Variants in KYNU observed in about 807,000 individuals in gnomAD.
The protein encoded by KYNU is L-kynurenine hydrolase.
Under a neutral mutation model 59.2 loss-of-function variants are expected in KYNU, and 54 were observed. The ratio of observed to expected loss-of-function variants is 0.91; its 90% CI spans 0.73 to 1.14. The LOEUF (loss-of-function observed/expected upper bound fraction) is 1.14, where lower values mean the gene tolerates loss of function less well. Among genes scored for constraint, KYNU ranks in the 50% most tolerant of loss-of-function variants. The pLI is 0.00. For synonymous variants in KYNU, 177 were observed against 192.0 expected (o/e 0.92, Z 0.65); for missense variants, 567 against 554.4 (o/e 1.02, Z -0.23).
intron 2 of KYNU, among the ~76,000 whole-genome samples, chr2:142,891,203 T>C (rs1302477797): frequency 2.0e-5 from 3 of 152,206 alleles, no homozygotes; most frequent in African/African-American, 7.2e-5. Context: ...GTATACAATT[T>C]AATAATTTTT....
chr2:142,903,290 C>A (rs1453731412), intron 2 of KYNU, among the ~76,000 whole-genome samples: 6 of 152,012 alleles, frequency 3.9e-5, no homozygotes, highest in Admixed American at 6.6e-5. Flanking sequence ...ATTTGCTCGT[C>A]CATATTGTCC....
At chr2:142,947,142 G>A in intron 4 of KYNU, 1 of 1,551,050 alleles carries the variant, frequency 6.4e-7, no homozygotes. Flanking sequence ...AATCAACCTG[G>A]AAATGACCTC....
chr2:143,003,893 A>G (rs1685786028), intron 10 of KYNU, among the ~76,000 whole-genome samples: 1 of 117,306 alleles, frequency 8.5e-6, no homozygotes, highest in Non-Finnish European at 1.8e-5. Flanking sequence ...ATAAATATAA[A>G]GAACGCTGTG....
intron 8 of KYNU, among the ~76,000 whole-genome samples, chr2:142,983,171 G>A (rs1685098365): frequency 6.6e-6 from 1 of 152,016 alleles, no homozygotes; most frequent in Admixed American, 6.6e-5. Context: ...CAAGGGGTGA[G>A]GAGGGCATGG....
chr2:143,028,773 G>A (rs1210379854), intron 10 of KYNU, among the ~76,000 whole-genome samples: 2 of 151,970 alleles, frequency 1.3e-5, no homozygotes, highest in East Asian at 2.0e-4. Context: ...ACTTGAACCC[G>A]GAAGGCGGAG....
rs868127199 is a variant in KYNU at position 142,952,123 on chromosome 2, C to T, written c.374-2687C>T. On this transcript the variant is annotated intron_variant, in intron 4 of 13. Transcript: ENST00000264170. The stretch of plus-strand genomic sequence containing the variant: ...TTTGAGACAGAATCTCCCTCTGTCA[C>T]CCTGGCTGGAGTGCACTGCTACCTC... Among the ~76,000 whole-genome samples, 18 of 152,278 alleles carry T rather than the reference C, an allele frequency of 1.2e-4. 1 individual carries two copies. In the Middle Eastern group the frequency reaches 0.014, roughly 115 times the overall value.
chr2:142,926,410 ATT>A (rs1683046729), intron 3 of KYNU, among the ~76,000 whole-genome samples: 1 of 152,230 alleles, frequency 6.6e-6, no homozygotes, highest in Admixed American at 6.5e-5. Flanking sequence ...TTTAAAATAA[ATT>A]ATTTCTCTGT....
intron 8 of KYNU, among the ~76,000 whole-genome samples, chr2:142,961,192 CAAA>C (rs71404458): frequency 9.0e-6 from 1 of 110,668 alleles, no homozygotes; most frequent in African/African-American, 2.8e-5. Context: ...GACTCCATCT[CAAA>C]AAAAAAAAAG....
chr2:142,974,622 C>G (rs1230828633), intron 8 of KYNU, among the ~76,000 whole-genome samples: 1 of 152,172 alleles, frequency 6.6e-6, no homozygotes, highest in Non-Finnish European at 1.5e-5. Context: ...GAGTAACTGA[C>G]TAGCTATGTA....
chr2:142,885,516 A>G lies in KYNU; in HGVS notation c.149A>G (p.Lys50Arg). The G allele has an allele frequency of 2.5e-6, 4 of 1,613,662 alleles. No individual in the cohort carries two copies. The highest frequency in any genetic ancestry group is 3.4e-6 in the Non-Finnish European group (4 of 1,179,956). ...TTCAGGGAGTGCTTTTATATTCCCA[A>G]AATACAGGATCTGCCTCCAGGTAAG... ...RHFRECFYIPKIQDLPPVDLS... is the reference protein window; with the variant it reads ...RHFRECFYIPRIQDLPPVDLS... The change falls in exon 2 of 14, where the codon AAA becomes AGA. Residue 50 changes from lysine to arginine, a missense_variant. By Grantham distance (26) the Lys-to-Arg change is conservative (BLOSUM62 2). Coordinates refer to ENST00000264170, the MANE Select transcript of KYNU (RefSeq NM_003937.3).
intron 8 of KYNU, among the ~76,000 whole-genome samples, chr2:142,972,657 C>T (rs988229555): frequency 2.0e-5 from 3 of 151,982 alleles, no homozygotes; most frequent in Non-Finnish European, 4.4e-5. Context: ...GGCAATTTAG[C>T]TGGCAAGTAA....
In KYNU at chr2:143,054,707, C is replaced by G. The variant is rs941028178; in HGVS notation, c.*12535C>G. The G allele has an allele frequency of 7.2e-5, 11 of 152,046 alleles. No homozygotes were observed. The highest frequency in any genetic ancestry group is 4.6e-4 in the Admixed American group (7 of 15,268). The allele number at this position is 152,046 out of a possible 1,614,324, so 9.4% of individuals were successfully genotyped here. On this transcript the variant is annotated 3_prime_UTR_variant, in exon 14 of 14. Coordinates refer to ENST00000264170, the MANE Select transcript of KYNU (RefSeq NM_003937.3). Reference sequence around the variant, plus strand: ...ATAAAAAGTATGAAGAATAGAGGGGCAATTAAATGATACCATAAAGAGTCA... The same window carrying G: ...ATAAAAAGTATGAAGAATAGAGGGGGAATTAAATGATACCATAAAGAGTCA...
chr2:142,971,290 T>C (rs2105124844), intron 8 of KYNU: 1 of 147,994 alleles, frequency 6.8e-6, no homozygotes, highest in East Asian at 2.1e-4. Context: ...AATATATCTA[T>C]ATGAATACCA....
At chr2:142,906,563 C>T (rs1682304465) in intron 2 of KYNU, among the ~76,000 whole-genome samples, 1 of 152,070 alleles carries the variant, frequency 6.6e-6, no homozygotes, top group Non-Finnish European at 1.5e-5. Context: ...AAGGATGCAG[C>T]ATAGCGCTTC....
intron 4 of KYNU, among the ~76,000 whole-genome samples, chr2:142,942,370 G>A (rs1683634033): frequency 6.6e-6 from 1 of 152,096 alleles, no homozygotes; most frequent in Admixed American, 6.5e-5. Context: ...TTTCTCATCT[G>A]CATTTATTGT....
chr2:142,926,425 T>C (rs1683047014), intron 3 of KYNU, among the ~76,000 whole-genome samples: 1 of 151,268 alleles, frequency 6.6e-6, no homozygotes, highest in Non-Finnish European at 1.5e-5. Flanking sequence ...TTCTCTGTAG[T>C]AAAAAAAAAT....
At chr2:142,969,374 C>T (rs1418181966) in intron 8 of KYNU, among the ~76,000 whole-genome samples, 1 of 152,038 alleles carries the variant, frequency 6.6e-6, no homozygotes. Flanking sequence ...ATGCAATGTT[C>T]CATTAGCTAA....
intron 6 of KYNU, among the ~76,000 whole-genome samples, chr2:142,956,632 G>A (rs1408488752): frequency 1.3e-5 from 2 of 152,038 alleles, no homozygotes; most frequent in African/African-American, 4.8e-5. Flanking sequence ...TAACCCTTTA[G>A]CTAAATAGAA....
chr2:142,989,338 T>C lies in KYNU; in HGVS notation c.902+3317T>C. 3.0e-6 allele frequency: 3 copies of C among 1,003,354 alleles called. No homozygotes were observed. The South Asian group carries it at 1.2e-4, about 41-fold the overall frequency. The allele number at this position is 1,003,354 out of a possible 1,614,324, so 62.2% of individuals were successfully genotyped here. A position where few individuals can be genotyped will look rare whatever the true frequency, so the allele number is the denominator to read the frequency against. ...TCTGTCATCTTACTTTTCTGTTCTC[T>C]TAGAGCTTTAGAGAGACCAAAGAGT... On this transcript the variant is annotated intron_variant, in intron 10 of 13. Coordinates refer to ENST00000264170, the MANE Select transcript of KYNU (RefSeq NM_003937.3).
Sources: allele counts gnomAD v4.1 joint callset (sites outside exome capture counted in the v4.1 genomes callset), GRCh38; gene constraint gnomAD v4.1.1; transcripts MANE v1.5; gene names NCBI Gene and HGNC (gene_info 2026-07-23, HGNC 2026-07-21).